RPRD1B: variants seen among roughly 807,000 people sequenced by gnomAD.
RPRD1B encodes regulation of nuclear pre-mRNA domain containing 1B.
In RPRD1B, 11 loss-of-function variants were observed where a neutral mutation model predicts 41.5. That is an observed-to-expected ratio of 0.27 (90% CI 0.17 to 0.44). RPRD1B has a LOEUF of 0.44. RPRD1B is among the 20% of genes least tolerant of loss of function. RPRD1B has a pLI of 1.00. For synonymous variants in RPRD1B, 158 were observed against 155.6 expected, an observed-to-expected ratio of 1.02 and a Z score of -0.12; for missense variants, 248 against 389.9, an observed-to-expected ratio of 0.64 and a Z score of 3.06.
Position 38,063,811 on chromosome 20 carries a change from G to A in RPRD1B, c.656-2270G>A, listed in dbSNP as rs149688516. 1.8e-4 allele frequency among the ~76,000 whole-genome samples: 28 copies of A among 152,312 alleles called. No individual in the cohort carries two copies. The East Asian group carries it at 2.3e-3, about 13-fold the overall frequency. ...GGAGAGCAGGGAGCGTGAGGACAGC[G>A]TGGGTAGGTCCCCCGAAGCGAGCAT... On this transcript the variant is annotated intron_variant, in intron 5 of 6. Coordinates refer to ENST00000373433, the MANE Select transcript of RPRD1B (RefSeq NM_021215.4).
chr20:38,051,482 A>G (rs928588003), intron 3 of RPRD1B, among the ~76,000 whole-genome samples: 1 of 152,026 alleles, frequency 6.6e-6, no homozygotes, highest in Non-Finnish European at 1.5e-5. Flanking sequence ...CCTTACAACT[A>G]CTCTGTGAAT....
At chr20:38,073,659 CT>C (rs2074432225) in intron 6 of RPRD1B, among the ~76,000 whole-genome samples, 1 of 152,166 alleles carries the variant, frequency 6.6e-6, no homozygotes, top group Non-Finnish European at 1.5e-5. Context: ...AGATAGAGAG[CT>C]CCTTTTTTGT....
At chr20:38,042,389 G>A (rs936237895) in intron 2 of RPRD1B, among the ~76,000 whole-genome samples, 1 of 152,114 alleles carries the variant, frequency 6.6e-6, no homozygotes, top group Non-Finnish European at 1.5e-5. Context: ...GTAATCTTTA[G>A]CTGTCCTGAA....
At chr20:38,044,174 T>G (rs2122699495) in intron 2 of RPRD1B, among the ~76,000 whole-genome samples, 1 of 152,264 alleles carries the variant, frequency 6.6e-6, no homozygotes, top group South Asian at 2.1e-4. Flanking sequence ...TGGAGCGCTC[T>G]GGGTATAAGC....
intron 5 of RPRD1B, among the ~76,000 whole-genome samples, chr20:38,062,302 G>C (rs935163903): frequency 4.6e-5 from 7 of 152,018 alleles, no homozygotes; most frequent in Admixed American, 6.6e-5. Context: ...TCTTTAGCTG[G>C]TTTCACTGGC....
rs182602160 is a variant in RPRD1B at position 38,038,853 on chromosome 20, A to G, written c.152-1582A>G. Among the ~76,000 whole-genome samples the G allele has an allele frequency of 3.0e-3, 457 of 152,308 alleles. 2 individuals are homozygous for G. The highest frequency in any genetic ancestry group is 0.011 in the African/African-American group (437 of 41,572). The stretch of plus-strand genomic sequence containing the variant: ...TTATGCCTGCTATGTCAGACATATC[A>G]ATGCTTTGTACATTTCAAAAGAAAC... On this transcript the variant is annotated intron_variant, in intron 1 of 6. Coordinates refer to ENST00000373433, the MANE Select transcript of RPRD1B (RefSeq NM_021215.4).
At chr20:38,068,063 A>T (rs2074375178) in intron 6 of RPRD1B, among the ~76,000 whole-genome samples, 1 of 152,140 alleles carries the variant, frequency 6.6e-6, no homozygotes, top group Non-Finnish European at 1.5e-5. Context: ...TCTGCTCTGT[A>T]TATTGTTGGG....
intron 6 of RPRD1B, among the ~76,000 whole-genome samples, chr20:38,076,981 A>T (rs1185133200): frequency 8.3e-6 from 1 of 121,196 alleles, no homozygotes; most frequent in Non-Finnish European, 1.6e-5. Context: ...CAGTGGTGCG[A>T]TCTGGACTCA....
At chr20:38,046,324 C>T (rs187594814) in intron 2 of RPRD1B, among the ~76,000 whole-genome samples, 1 of 152,262 alleles carries the variant, frequency 6.6e-6, no homozygotes, top group East Asian at 1.9e-4. Flanking sequence ...GACCTTGATA[C>T]AGTAAGATGA....
chr20:38,042,152 T>A (rs1226122163), intron 2 of RPRD1B, among the ~76,000 whole-genome samples: 1 of 152,162 alleles, frequency 6.6e-6, no homozygotes, highest in African/African-American at 2.4e-5. Flanking sequence ...ATTAAAAAAT[T>A]CCAGCCTGGG....
chr20:38,065,329 A>G (rs1351267632), intron 5 of RPRD1B, among the ~76,000 whole-genome samples: 1 of 152,182 alleles, frequency 6.6e-6, no homozygotes, highest in African/African-American at 2.4e-5. Context: ...CCCACACCCA[A>G]TAAATAAGTG....
chr20:38,039,735 CTT>C (rs11316507), intron 1 of RPRD1B, among the ~76,000 whole-genome samples: 80 of 136,522 alleles, frequency 5.9e-4, no homozygotes, highest in South Asian at 7.1e-4. Context: ...CTAACTCAGT[CTT>C]TTTTTTTTTT....
Position 38,089,718 on chromosome 20 carries a change from C to T in RPRD1B, c.832-8C>T. On this transcript the variant is annotated splice_polypyrimidine_tract_variant and splice_region_variant and intron_variant, in intron 6 of 6. Transcript: ENST00000373433. The stretch of plus-strand genomic sequence containing the variant: ...CTTAACGGTATTGTCTTCTCTTTAT[C>T]TCCTTAGGAATACAAACAGAAGCTT... 1 of 1,610,598 alleles carries T rather than the reference C, an allele frequency of 6.2e-7. No homozygotes were observed. Among genetic ancestry groups the T allele is most frequent in the Non-Finnish European group, 8.5e-7 (1 of 1,177,024 alleles).
At chr20:38,070,287 A>G (rs931053728) in intron 6 of RPRD1B, 1 of 985,440 alleles carries the variant, frequency 1.0e-6, no homozygotes, top group Non-Finnish European at 1.2e-6. Context: ...GGTGGAAGGA[A>G]TGCTGCTGAA....
intron 3 of RPRD1B, among the ~76,000 whole-genome samples, chr20:38,054,399 G>A (rs1818689149): frequency 6.6e-6 from 1 of 152,148 alleles, no homozygotes; most frequent in East Asian, 1.9e-4. Flanking sequence ...GGATGGCAAA[G>A]GACATAAGTT....
rs1170930069 is a variant in RPRD1B, at chr20:38,092,015, A to G, written c.*2140A>G. ...TTTTTAAATCTTAATTCTGCTGTCCACATCCTCCCAAAGTGTGCTTACTTC... is the reference window on the plus strand; with the variant it reads ...TTTTTAAATCTTAATTCTGCTGTCCGCATCCTCCCAAAGTGTGCTTACTTC... On this transcript the variant is annotated 3_prime_UTR_variant, in exon 7 of 7. Transcript: ENST00000373433. The G allele has an allele frequency of 2.0e-6, 2 of 985,704 alleles. No homozygotes were observed. The highest frequency in any genetic ancestry group is 2.4e-6 in the Non-Finnish European group (2 of 829,902). 61.1% of individuals were successfully genotyped at this position (985,704 alleles called of 1,614,324 possible).
chr20:38,081,960 T>A (rs1167633030), intron 6 of RPRD1B, among the ~76,000 whole-genome samples: 1 of 152,220 alleles, frequency 6.6e-6, no homozygotes, highest in Non-Finnish European at 1.5e-5. Flanking sequence ...TTTGGTGTGC[T>A]AGTATTTCAT....
chr20:38,065,382 A>G (rs2074344443), intron 5 of RPRD1B, among the ~76,000 whole-genome samples: 1 of 152,196 alleles, frequency 6.6e-6, no homozygotes, highest in Non-Finnish European at 1.5e-5. Context: ...AGACTACTTA[A>G]TGAAATATAG....
intron 2 of RPRD1B, among the ~76,000 whole-genome samples, chr20:38,044,264 C>T (rs2074098545): frequency 6.6e-6 from 1 of 152,054 alleles, no homozygotes; most frequent in Non-Finnish European, 1.5e-5. Context: ...TGATGTGTAA[C>T]CTACCAGGAA....
Sources: allele counts gnomAD v4.1 joint callset (sites outside exome capture counted in the v4.1 genomes callset), GRCh38; gene constraint gnomAD v4.1.1; transcripts MANE v1.5; gene names NCBI Gene and HGNC (gene_info 2026-07-23, HGNC 2026-07-21).